ABCA1: variants seen among roughly 807,000 people sequenced by gnomAD.
The protein encoded by ABCA1 is phospholipid-transporting ATPase ABCA1.
Under a neutral mutation model 262.5 loss-of-function variants are expected in ABCA1, and 133 were observed. The observed-to-expected ratio is 0.51, with a 90% CI of 0.44 to 0.59. ABCA1 has a LOEUF of 0.59. Among genes scored for constraint, ABCA1 ranks in the 20% least tolerant of loss-of-function variants. The probability of loss-of-function intolerance (pLI) is 0.00; values close to 1 mark genes in which losing one functional copy is unlikely to be tolerated. For missense variants in ABCA1, 2,452 were observed against 2,777.5 expected (o/e 0.88, Z 2.63); for synonymous variants, 1,022 against 1,043.5 (o/e 0.98, Z 0.40).
chr9:104,787,876 C>T, intron 46 of ABCA1, 44 bp downstream of exon 46: 1 of 1,613,884 alleles, frequency 6.2e-7, no homozygotes, highest in East Asian at 2.2e-5. Flanking sequence ...TCATGTTTTC[C>T]ACTCAGGCCA....
At position 104,783,130 on chromosome 9, in the gene ABCA1, C is replaced by T. The variant is rs1057393470; in HGVS notation, c.*1185G>A. ...TGACCATCACATTGCTTTCTAGGCA[C>T]TAGTCATGACTGATATGCAAACTTA... is the stretch of plus-strand genomic sequence containing the variant. On this transcript the variant is annotated 3_prime_UTR_variant, in exon 50 of 50. Coordinates refer to ENST00000374736, the MANE Select transcript of ABCA1 (RefSeq NM_005502.4). 2 of 152,264 alleles carry T rather than the reference C, an allele frequency of 1.3e-5. No homozygotes were observed. Among genetic ancestry groups the T allele is most frequent in the African/African-American group, 4.8e-5 (2 of 41,450 alleles). 9.4% of individuals were successfully genotyped at this position (152,264 alleles called of 1,614,324 possible). A position where few individuals can be genotyped will look rare whatever the true frequency, so the allele number is the denominator to read the frequency against.
At chr9:104,889,040 C>G (rs761122329) in intron 3 of ABCA1, 62 bp downstream of exon 3, 1 of 1,449,946 alleles carries the variant, frequency 6.9e-7, no homozygotes, top group Admixed American at 1.7e-5. Flanking sequence ...ATTTAGCCCA[C>G]GTTAATTGCC....
intron 7 of ABCA1, chr9:104,855,275 C>A: frequency 2.1e-6 from 1 of 483,144 alleles, no homozygotes; most frequent in Non-Finnish European, 2.7e-6. Context: ...CAGCTCACTG[C>A]AACTTCCACC....
intron 1 of ABCA1, among the ~76,000 whole-genome samples, chr9:104,912,889 T>C (rs1013561225): frequency 2.0e-5 from 3 of 152,192 alleles, no homozygotes; most frequent in African/African-American, 7.2e-5. Context: ...GGGAAGGGAT[T>C]AGTGAATTCA....
intron 5 of ABCA1, among the ~76,000 whole-genome samples, chr9:104,872,885 C>G (rs1039964708): frequency 6.6e-6 from 1 of 152,256 alleles, no homozygotes; most frequent in Non-Finnish European, 1.5e-5. Context: ...GGGATACACA[C>G]TATTCTGTAA....
intron 28 of ABCA1, 29 bp downstream of exon 28, chr9:104,812,545 G>T (rs1310017610): frequency 6.2e-7 from 1 of 1,613,816 alleles, no homozygotes; most frequent in African/African-American, 1.3e-5. Context: ...CATGAAGCCA[G>T]AGTCTCTGGC....
At chr9:104,853,002 C>G (rs536456517) in intron 7 of ABCA1, among the ~76,000 whole-genome samples, 1 of 152,310 alleles carries the variant, frequency 6.6e-6, no homozygotes, top group African/African-American at 2.4e-5. Context: ...AATAAAGACC[C>G]CTCAAGACAA....
At chr9:104,807,490 A>C (rs987683419) in intron 30 of ABCA1, among the ~76,000 whole-genome samples, 1 of 152,148 alleles carries the variant, frequency 6.6e-6, no homozygotes, top group African/African-American at 2.4e-5. Flanking sequence ...ATTTAAAGTA[A>C]AGTTACAGCA....
At chr9:104,905,155 G>T (rs924764815) in intron 1 of ABCA1, among the ~76,000 whole-genome samples, 1 of 152,194 alleles carries the variant, frequency 6.6e-6, no homozygotes, top group Non-Finnish European at 1.5e-5. Context: ...AATCACTGTG[G>T]CCTCTAGAGG....
At chr9:104,797,588 A>C (rs1830006641) in intron 37 of ABCA1, among the ~76,000 whole-genome samples, 1 of 152,174 alleles carries the variant, frequency 6.6e-6, no homozygotes, top group Non-Finnish European at 1.5e-5. Context: ...CATTCACAAT[A>C]TACAGCATGG....
chr9:104,887,300 T>C (rs187770420), intron 3 of ABCA1, among the ~76,000 whole-genome samples: 1 of 152,172 alleles, frequency 6.6e-6, no homozygotes, highest in East Asian at 1.9e-4. Flanking sequence ...AAGAAGTGCA[T>C]AGATGTAAGG....
At chr9:104,855,970 A>G (rs1455951618) in intron 7 of ABCA1, 2 of 1,612,884 alleles carry the variant, frequency 1.2e-6, no homozygotes, top group South Asian at 1.1e-5. Flanking sequence ...AGAAGCACAT[A>G]TTGAAAGAAG....
Position 104,845,543 on chromosome 9 carries a change from G to A in ABCA1, c.747C>T (p.Phe249=), listed in dbSNP as rs749391445. ...TGGCTTCAGCCAGCTCCTTGCTCGGGAAGGGAGATGTAGAGTTTAGTGTTC... is the reference window on the plus strand; with the variant it reads ...TGGCTTCAGCCAGCTCCTTGCTCGGAAAGGGAGATGTAGAGTTTAGTGTTC... ...ILRTLNSTSP[F]PSKELAEATK... The change falls in exon 8 of 50, where the codon TTC becomes TTT. Residue 249 remains phenylalanine, a synonymous_variant. Coordinates refer to ENST00000374736, the MANE Select transcript of ABCA1 (RefSeq NM_005502.4). 6.2e-7 allele frequency: 1 copy of A among 1,613,710 alleles called. No homozygotes were observed. Among genetic ancestry groups the A allele is most frequent in the African/African-American group, 1.3e-5 (1 of 74,918 alleles).
At chr9:104,882,021 G>A (rs1478563100) in intron 5 of ABCA1, among the ~76,000 whole-genome samples, 2 of 67,342 alleles carry the variant, frequency 3.0e-5, no homozygotes, top group African/African-American at 1.1e-4. Flanking sequence ...GCACAGTTCT[G>A]TAGCCTTAAA....
chr9:104,814,083 A>G, intron 27 of ABCA1, 35 bp downstream of exon 27: 1 of 1,597,806 alleles, frequency 6.3e-7, no homozygotes, highest in Non-Finnish European at 8.6e-7. Context: ...TCACATTCAA[A>G]CAGTAGGACA....
At chr9:104,884,296 G>T in intron 4 of ABCA1, 131 bp downstream of exon 4, 1 of 1,183,958 alleles carries the variant, frequency 8.4e-7, no homozygotes, top group Non-Finnish European at 1.2e-6. Context: ...TCATTCTGCA[G>T]ACTCTATCAC....
At chr9:104,838,812 A>ATTTT (rs892762571) in intron 9 of ABCA1, among the ~76,000 whole-genome samples, 1 of 146,558 alleles carries the variant, frequency 6.8e-6, no homozygotes. Flanking sequence ...AGATAATAGA[A>ATTTT]TTTTTTTTTT....
At position 104,784,168 on chromosome 9, in the gene ABCA1, T is replaced by C. The variant is rs1828706756; in HGVS notation, c.*147A>G. On this transcript the variant is annotated 3_prime_UTR_variant, in exon 50 of 50. Transcript: ENST00000374736. ...GGAATTTTGTTTTCATTGCATTGAA[T>C]TGCATTGCATTGAATAGTATCAGTA... 1 of 1,007,482 alleles carries C rather than the reference T, an allele frequency of 9.9e-7. No individual in the cohort carries two copies. The highest frequency in any genetic ancestry group is 2.4e-5 in the East Asian group (1 of 41,352). 62.4% of individuals were successfully genotyped at this position (1,007,482 alleles called of 1,614,324 possible). A position where few individuals can be genotyped will look rare whatever the true frequency, so the allele number is the denominator to read the frequency against.
intron 1 of ABCA1, among the ~76,000 whole-genome samples, chr9:104,915,472 A>G (rs940687960): frequency 6.6e-6 from 1 of 152,220 alleles, no homozygotes; most frequent in African/African-American, 2.4e-5. Flanking sequence ...TAAGATCACA[A>G]GTTTAAATCC....
Sources: allele counts gnomAD v4.1 joint callset (sites outside exome capture counted in the v4.1 genomes callset), GRCh38; gene constraint gnomAD v4.1.1; transcripts MANE v1.5; gene names NCBI Gene and HGNC (gene_info 2026-07-23, HGNC 2026-07-21).